Variants in NLRP8 observed in about 807,000 individuals in gnomAD.
NLRP8 encodes the protein NLR family pyrin domain containing 8.
Under a neutral mutation model 88.7 loss-of-function variants are expected in NLRP8, and 86 were observed. That is an observed-to-expected ratio of 0.97 (90% CI 0.81 to 1.16). The LOEUF (loss-of-function observed/expected upper bound fraction) is 1.16, where lower values mean the gene tolerates loss of function less well. NLRP8 is among the 50% of genes most tolerant of loss of function. The pLI, the probability that NLRP8 is intolerant of heterozygous loss-of-function variation, is 0.00. For synonymous variants in NLRP8, 504 were observed against 494.6 expected (o/e 1.02, Z -0.25); for missense variants, 1,342 against 1,286.5 (o/e 1.04, Z -0.66).
chr19:55,953,144 C>T (rs1351118096), intron 2 of NLRP8, among the ~76,000 whole-genome samples: 1 of 151,980 alleles, frequency 6.6e-6, no homozygotes, highest in African/African-American at 2.4e-5. Flanking sequence ...GCAGTGGCAT[C>T]AGATTCTCAT....
intron 1 of NLRP8, among the ~76,000 whole-genome samples, chr19:55,950,690 T>C (rs1257528196): frequency 1.3e-5 from 2 of 152,170 alleles, no homozygotes. Context: ...GCCTATGTGG[T>C]GCCACACTTT....
rs1980483330 is a variant in NLRP8 at position 55,979,471 on chromosome 19, A to G, written c.2954A>G (p.His985Arg). The change falls in exon 9 of 10, where the codon CAT (histidine) becomes CGT (arginine). Residue 985 changes from histidine (H) to arginine (R), a missense_variant. Coordinates refer to ENST00000291971, the MANE Select transcript of NLRP8 (RefSeq NM_176811.2). ...CTCCGCAAAAACCAACATCTGAGACATCTGGACTTGAGCAAGAATGCGATT... is the reference window on the plus strand; with the variant it reads ...CTCCGCAAAAACCAACATCTGAGACGTCTGGACTTGAGCAAGAATGCGATT... 1.9e-6 allele frequency: 3 copies of G among 1,614,116 alleles called. No homozygotes were observed. Among genetic ancestry groups the G allele is most frequent in the South Asian group, 1.1e-5 (1 of 91,096 alleles).
rs989336506 is a variant in NLRP8, at chr19:55,971,802, C to A, written c.2534+1106C>A. Among the ~76,000 whole-genome samples, 6 of 152,288 alleles carry A rather than the reference C, an allele frequency of 3.9e-5. No individual in the cohort carries two copies. In the East Asian group the frequency reaches 9.6e-4, roughly 24 times the overall value. On this transcript the variant is annotated intron_variant, in intron 6 of 9. Transcript: ENST00000291971. ...GCAATGGGTATGAAGGTGCTCCTAA[C>A]TCCAGATCCCTATCCAAGTCTTACT... is the stretch of plus-strand genomic sequence containing the variant.
At chr19:55,982,159 C>T (rs1980602493) in intron 9 of NLRP8, among the ~76,000 whole-genome samples, 1 of 152,134 alleles carries the variant, frequency 6.6e-6, no homozygotes, top group African/African-American at 2.4e-5. Context: ...GCCTTGGCCT[C>T]CCAAAGTGCT....
chr19:55,955,323 A>G lies in NLRP8; in HGVS notation c.1265A>G (p.Asn422Ser). ...AACAATCTCACACAGTCATGTCCAA[A>G]TGCCACCTCTGTGTTCGTCCGGTAT... The change falls in exon 3 of 10, where the codon AAT becomes AGT. Residue 422 changes from asparagine (N) to serine (S), a missense_variant. Asn to Ser is a conservative substitution (Grantham distance 46). Coordinates refer to ENST00000291971, the MANE Select transcript of NLRP8 (RefSeq NM_176811.2). 1 of 1,614,138 alleles carries G rather than the reference A, an allele frequency of 6.2e-7. No homozygotes were observed.
rs754490681 is a variant in NLRP8 at position 55,956,066 on chromosome 19, T to C, written c.2008T>C (p.Trp670Arg). 2.5e-6 allele frequency: 4 copies of C among 1,613,726 alleles called. No homozygotes were observed. Among genetic ancestry groups the C allele is most frequent in the Non-Finnish European group, 3.4e-6 (4 of 1,179,846 alleles). Residue 670 changes from tryptophan to arginine, a missense_variant, in exon 3 of 10, where the codon TGG becomes CGG. Coordinates refer to ENST00000291971, the MANE Select transcript of NLRP8 (RefSeq NM_176811.2). Reference sequence around the variant, plus strand: ...CGTCACCCTGAACTTCATGAACGTGTGGAAGCTCAGCTCCAGCTCCCATCC... The same window carrying C: ...CGTCACCCTGAACTTCATGAACGTGCGGAAGCTCAGCTCCAGCTCCCATCC...
intron 9 of NLRP8, among the ~76,000 whole-genome samples, chr19:55,981,826 A>G (rs192168296): frequency 9.3e-5 from 14 of 150,590 alleles, no homozygotes; most frequent in Admixed American, 6.6e-4. Flanking sequence ...AGCAATCACA[A>G]TGTTTTTTTT....
rs61195059 is a variant in NLRP8, at chr19:55,948,092, C to T, written c.190C>T (p.Leu64Phe). ...GTTCAAGCAGCTCTTACTGACTGAG[C>T]TCAGTACTGGCACCATGCCCATCAC... The change falls in exon 1 of 10, where the codon CTC (leucine) becomes TTC (phenylalanine). Residue 64 changes from leucine (L) to phenylalanine (F), a missense_variant. Coordinates refer to ENST00000291971, the MANE Select transcript of NLRP8 (RefSeq NM_176811.2). The T allele has an allele frequency of 0.06, 97,327 of 1,613,994 alleles. 3,339 individuals carry two copies. The highest frequency in any genetic ancestry group is 0.11 in the African/African-American group (8,570 of 75,002).
chr19:55,969,841 CT>C (rs1316399573), intron 5 of NLRP8, among the ~76,000 whole-genome samples: 1 of 152,192 alleles, frequency 6.6e-6, no homozygotes, highest in African/African-American at 2.4e-5. Context: ...GCTCAGGTGG[CT>C]GGAACCTGGA....
rs775812878 is a variant in NLRP8, at chr19:55,966,345, G to A, written c.2346G>A (p.Val782=). 2 of 1,614,072 alleles carry A rather than the reference G, an allele frequency of 1.2e-6. No homozygotes were observed. Among genetic ancestry groups the A allele is most frequent in the Non-Finnish European group, 1.7e-6 (2 of 1,179,958 alleles). Residue 782 remains valine, a synonymous_variant, in exon 5 of 10, where the codon GTG becomes GTA. Transcript: ENST00000291971. ...AAGCTGTGAAGCTTCTATGCAGGGT[G>A]CTGAGATCCCCCCGGTGCCGTCTGC...
At chr19:55,971,937 G>A (rs1326567461) in intron 6 of NLRP8, among the ~76,000 whole-genome samples, 2 of 151,816 alleles carry the variant, frequency 1.3e-5, no homozygotes, top group African/African-American at 4.8e-5. Context: ...TTTATCATCT[G>A]ACTGTTCATC....
intron 9 of NLRP8, among the ~76,000 whole-genome samples, chr19:55,983,531 G>T (rs1367637768): frequency 1.3e-5 from 2 of 149,204 alleles, no homozygotes; most frequent in African/African-American, 2.5e-5. Flanking sequence ...ACCATCAGAA[G>T]GTGCTGAAAC....
chr19:55,959,755 T>C (rs1028650250), intron 3 of NLRP8, among the ~76,000 whole-genome samples: 2 of 152,176 alleles, frequency 1.3e-5, no homozygotes, highest in African/African-American at 4.8e-5. Flanking sequence ...CAATTAAAAA[T>C]TACAAAGTTT....
chr19:55,986,625 G>A (rs1390404680), intron 9 of NLRP8, among the ~76,000 whole-genome samples: 2 of 152,218 alleles, frequency 1.3e-5, no homozygotes, highest in African/African-American at 4.8e-5. Flanking sequence ...GGTGCACACA[G>A]GTGCAGAAAA....
chr19:55,960,897 C>CTTTTTTTTTTTT (rs36087472), intron 3 of NLRP8, among the ~76,000 whole-genome samples: 6 of 91,006 alleles, frequency 6.6e-5, no homozygotes, highest in African/African-American at 2.7e-4. Context: ...AACTATTTCT[C>CTTTTTTTTTTTT]TTTTTTTTTT....
chr19:55,976,503 C>A (rs1198607567), intron 8 of NLRP8, among the ~76,000 whole-genome samples, 200 bp downstream of exon 8: 2 of 152,086 alleles, frequency 1.3e-5, no homozygotes, highest in African/African-American at 4.8e-5. Context: ...AGGACACACA[C>A]AAATTTTGGG....
chr19:55,980,825 A>G (rs973522443), intron 9 of NLRP8, among the ~76,000 whole-genome samples: 41 of 152,200 alleles, frequency 2.7e-4, no homozygotes, highest in African/African-American at 9.4e-4. Context: ...GAGCCATCCA[A>G]GGGTGTGATT....
chr19:55,985,608 A>C (rs1980771623), intron 9 of NLRP8, among the ~76,000 whole-genome samples: 1 of 152,232 alleles, frequency 6.6e-6, no homozygotes, highest in Non-Finnish European at 1.5e-5. Flanking sequence ...TATAAATCTA[A>C]ATATGAAAGG....
At chr19:55,952,439 TG>T in intron 1 of NLRP8, 98 bp from the exon 2 acceptor site, 1 of 872,906 alleles carries the variant, frequency 1.1e-6, no homozygotes, top group Non-Finnish European at 1.9e-6. Flanking sequence ...TGAAGCCATG[TG>T]GCTGCTTCTG....
Sources: allele counts gnomAD v4.1 joint callset (sites outside exome capture counted in the v4.1 genomes callset), GRCh38; gene constraint gnomAD v4.1.1; transcripts MANE v1.5; gene names NCBI Gene and HGNC (gene_info 2026-07-23, HGNC 2026-07-21).